The following TBC1D5 variants were observed in gnomAD, a reference collection of about 807,000 sequenced individuals.
TBC1D5 encodes TBC1 domain family member 5, also known as TBC1 domain family, member 5.
Under a neutral mutation model 100.3 loss-of-function variants are expected in TBC1D5, and 75 were observed. The ratio of observed to expected loss-of-function variants is 0.75; its 90% CI spans 0.62 to 0.91. The LOEUF (loss-of-function observed/expected upper bound fraction) is 0.91, where lower values mean the gene tolerates loss of function less well. Ranked by LOEUF, TBC1D5 falls within the 40% of genes least tolerant of loss-of-function variation. The pLI is 0.00. For synonymous variants in TBC1D5, 323 were observed against 325.6 expected, an observed-to-expected ratio of 0.99 and a Z score of 0.09; for missense variants, 910 against 942.4, an observed-to-expected ratio of 0.97 and a Z score of 0.45.
At chr3:17,592,737 T>C (rs1461503145) in intron 2 of TBC1D5, among the ~76,000 whole-genome samples, 6 of 152,206 alleles carry the variant, frequency 3.9e-5, no homozygotes, top group African/African-American at 1.4e-4. Context: ...GAGGTGTCAG[T>C]GGCAGATAGA....
intron 1 of TBC1D5, among the ~76,000 whole-genome samples, chr3:17,714,725 T>C (rs1004660073): frequency 2.0e-5 from 3 of 152,162 alleles, no homozygotes; most frequent in Non-Finnish European, 2.9e-5. Flanking sequence ...TCCCAGCTAC[T>C]TGTGAGGCTG....
intron 2 of TBC1D5, among the ~76,000 whole-genome samples, chr3:17,546,144 A>G (rs538963151): frequency 6.6e-5 from 10 of 152,200 alleles, no homozygotes; most frequent in Non-Finnish European, 1.3e-4. Flanking sequence ...TCCAGCACAG[A>G]AAGAATTATC....
chr3:17,237,983 A>T (rs1256555180), intron 17 of TBC1D5, among the ~76,000 whole-genome samples, 180 bp downstream of exon 17: 2 of 151,896 alleles, frequency 1.3e-5, no homozygotes, highest in East Asian at 3.8e-4. Context: ...AAAAAAAATT[A>T]CCTCATAAAA....
chr3:17,431,898 T>C (rs538117557), intron 3 of TBC1D5, among the ~76,000 whole-genome samples: 11 of 152,164 alleles, frequency 7.2e-5, no homozygotes, highest in Admixed American at 3.9e-4. Flanking sequence ...CTGTGCACTG[T>C]TGAAATCTTT....
intron 16 of TBC1D5, among the ~76,000 whole-genome samples, chr3:17,251,436 C>CA (rs1032946215): frequency 6.3e-5 from 9 of 143,922 alleles, no homozygotes; most frequent in South Asian, 2.5e-4. Flanking sequence ...CCCCCCCCCC[C>CA]CCAGTAGAAG....
chr3:17,738,654 T>C (rs530415084), intron 1 of TBC1D5, among the ~76,000 whole-genome samples: 1 of 152,320 alleles, frequency 6.6e-6, no homozygotes, highest in African/African-American at 2.4e-5. Flanking sequence ...CATTCAGCTG[T>C]GAGGCCCAGA....
intron 2 of TBC1D5, among the ~76,000 whole-genome samples, chr3:17,519,403 T>C (rs932073261): frequency 1.3e-5 from 2 of 152,236 alleles, no homozygotes; most frequent in Non-Finnish European, 2.9e-5. Context: ...AAGGCACTAC[T>C]GTTCTTACCT....
intron 4 of TBC1D5, among the ~76,000 whole-genome samples, chr3:17,421,417 A>G (rs760206531): frequency 3.9e-5 from 6 of 152,218 alleles, no homozygotes; most frequent in Non-Finnish European, 5.9e-5. Context: ...AAATATAAGA[A>G]GCGATTATAT....
chr3:17,316,208 T>G (rs1057064230), intron 13 of TBC1D5, among the ~76,000 whole-genome samples: 1 of 152,146 alleles, frequency 6.6e-6, no homozygotes, highest in African/African-American at 2.4e-5. Context: ...TGGAATGAAC[T>G]ATAGTTAGAG....
At chr3:17,163,518 A>C (rs755051202) in intron 21 of TBC1D5, among the ~76,000 whole-genome samples, 1 of 152,232 alleles carries the variant, frequency 6.6e-6, no homozygotes, top group Non-Finnish European at 1.5e-5. Context: ...AATACAGGTA[A>C]GTCTTACACA....
At chr3:17,731,021 G>C (rs2076508878) in intron 1 of TBC1D5, among the ~76,000 whole-genome samples, 1 of 151,848 alleles carries the variant, frequency 6.6e-6, no homozygotes, top group Non-Finnish European at 1.5e-5. Context: ...ACACAGACTT[G>C]GTAGTATAAA....
chr3:17,183,823 G>T (rs1004390718), intron 19 of TBC1D5, among the ~76,000 whole-genome samples: 2 of 152,210 alleles, frequency 1.3e-5, no homozygotes, highest in Non-Finnish European at 2.9e-5. Context: ...AGCTTGCTGG[G>T]GTTTGAAGGC....
chr3:17,193,562 A>C (rs1051504019), intron 18 of TBC1D5, among the ~76,000 whole-genome samples: 1 of 152,218 alleles, frequency 6.6e-6, no homozygotes, highest in African/African-American at 2.4e-5. Flanking sequence ...TAAGGGAAAG[A>C]AATTTCCCTT....
intron 1 of TBC1D5, among the ~76,000 whole-genome samples, chr3:17,630,601 T>C (rs1230832398): frequency 6.6e-6 from 1 of 152,064 alleles, no homozygotes; most frequent in Non-Finnish European, 1.5e-5. Context: ...GCCTCCCTAT[T>C]CCCTGAGATA....
chr3:17,579,575 C>T (rs1051467400), intron 2 of TBC1D5, among the ~76,000 whole-genome samples: 2 of 152,190 alleles, frequency 1.3e-5, no homozygotes, highest in South Asian at 4.1e-4. Context: ...TCCTACACTT[C>T]ACTATTTTTA....
rs540799509 is a variant in TBC1D5 at position 17,706,592 on chromosome 3, A to C, written c.-101+32751T>G. On this transcript the variant is annotated intron_variant, in intron 1 of 21. Coordinates refer to ENST00000253692, the Ensembl canonical transcript of TBC1D5. ...TTTTCAACAATTAAGGATTAACTCT[A>C]CTATTACATTGCAAATATTAGCAAG... is the stretch of plus-strand genomic sequence containing the variant. Among the ~76,000 whole-genome samples the C allele has an allele frequency of 9.8e-5, 15 of 152,306 alleles. No individual in the cohort carries two copies. In the South Asian group the frequency reaches 3.1e-3, roughly 32 times the overall value.
intron 3 of TBC1D5, 32 bp downstream of exon 3, chr3:17,508,442 A>T (rs748593968): frequency 5.1e-6 from 8 of 1,558,012 alleles, no homozygotes; most frequent in Non-Finnish European, 3.5e-6. Context: ...CCAGTACACT[A>T]CCTACAAATA....
chr3:17,460,089 G>C (rs1045943316), intron 3 of TBC1D5, among the ~76,000 whole-genome samples: 1 of 152,186 alleles, frequency 6.6e-6, no homozygotes, highest in Non-Finnish European at 1.5e-5. Flanking sequence ...TTTCACTGGA[G>C]TCAGGTACTT....
At chr3:17,438,313 C>A (rs566800116) in intron 3 of TBC1D5, among the ~76,000 whole-genome samples, 4 of 151,978 alleles carry the variant, frequency 2.6e-5, no homozygotes, top group Non-Finnish European at 5.9e-5. Context: ...AGTATTAAGG[C>A]CATAAAAGAT....
Sources: allele counts gnomAD v4.1 joint callset (sites outside exome capture counted in the v4.1 genomes callset), GRCh38; gene constraint gnomAD v4.1.1; transcripts MANE v1.5; gene names NCBI Gene and HGNC (gene_info 2026-07-23, HGNC 2026-07-21).